CALN1: variants seen among roughly 807,000 people sequenced by gnomAD.
CALN1 encodes the protein calcium-binding protein 8.
A neutral mutation model predicts 30.6 loss-of-function variants in CALN1; 17 were observed. The ratio of observed to expected loss-of-function variants is 0.56; its 90% CI spans 0.38 to 0.83. The LOEUF is 0.83. Among genes scored for constraint, CALN1 ranks in the 40% least tolerant of loss-of-function variants. The probability of loss-of-function intolerance (pLI) is 0.00; values close to 1 mark genes in which losing one functional copy is unlikely to be tolerated. For synonymous variants in CALN1, 156 were observed against 131.4 expected, an observed-to-expected ratio of 1.19 and a Z score of -1.28; for missense variants, 291 against 354.9, an observed-to-expected ratio of 0.82 and a Z score of 1.45.
At position 72,212,273 on chromosome 7, in the gene CALN1, C is replaced by A. The variant is rs1011795721; in HGVS notation, c.244+66413G>T. 5.3e-5 allele frequency among the ~76,000 whole-genome samples: 8 copies of A among 150,270 alleles called. No individual in the cohort carries two copies. In the Admixed American group the frequency reaches 5.4e-4, roughly 10 times the overall value. Reference sequence around the variant, plus strand: ...CTGAGGCAGGGGAATTGCCTGAACCCACGAGGTGGAGGACTGCAGTGAGCG... The same window carrying A: ...CTGAGGCAGGGGAATTGCCTGAACCAACGAGGTGGAGGACTGCAGTGAGCG... On this transcript the variant is annotated intron_variant, in intron 3 of 6. Transcript: ENST00000395275.
At chr7:72,166,015 T>C (rs1563114132) in intron 3 of CALN1, among the ~76,000 whole-genome samples, 1 of 152,204 alleles carries the variant, frequency 6.6e-6, no homozygotes, top group East Asian at 1.9e-4. Flanking sequence ...CGAACCTCCT[T>C]CTCCTTTCTC....
intron 3 of CALN1, among the ~76,000 whole-genome samples, chr7:72,196,849 T>G (rs1791045869): frequency 6.6e-6 from 1 of 152,186 alleles, no homozygotes; most frequent in South Asian, 2.1e-4. Flanking sequence ...CAGCCCACAG[T>G]TAGTATCATG....
At chr7:72,271,575 A>ATATATATATATATATATATATATAT (rs1554345806) in intron 3 of CALN1, among the ~76,000 whole-genome samples, 3 of 52,126 alleles carry the variant, frequency 5.8e-5, no homozygotes, top group African/African-American at 2.7e-4. Context: ...AAAAAAAAAA[A>ATATATATATATATATATATATATAT]ATATATATAT....
At chr7:72,472,227 C>T in the CALN1 span, among the ~76,000 whole-genome samples, 1 of 152,172 alleles carries the variant, frequency 6.6e-6, no homozygotes, top group East Asian at 1.9e-4. Context: ...CAAAACCTTC[C>T]CACCCGCAGC....
At chr7:72,070,445 ACT>A (rs1804313756) in intron 4 of CALN1, among the ~76,000 whole-genome samples, 1 of 152,148 alleles carries the variant, frequency 6.6e-6, no homozygotes, top group Non-Finnish European at 1.5e-5. Context: ...AACCTCAGAG[ACT>A]CAGCTAGGTT....
chr7:72,490,267 T>A, the CALN1 span, among the ~76,000 whole-genome samples: 1 of 152,184 alleles, frequency 6.6e-6, no homozygotes, highest in Non-Finnish European at 1.5e-5. Flanking sequence ...TTATACAGTA[T>A]GATCTCAATT....
At chr7:71,879,173 A>G (rs539934556) in intron 5 of CALN1, among the ~76,000 whole-genome samples, 60 of 152,328 alleles carry the variant, frequency 3.9e-4, no homozygotes, top group African/African-American at 1.4e-3. Context: ...TATTTCTTCA[A>G]TTTAAGAGTT....
chr7:72,326,498 T>C (rs950845308), intron 2 of CALN1, among the ~76,000 whole-genome samples: 5 of 152,232 alleles, frequency 3.3e-5, no homozygotes, highest in African/African-American at 4.8e-5. Flanking sequence ...AAATGAATCA[T>C]CAGCCACAGA....
At chr7:72,070,891 T>C (rs78163704) in intron 4 of CALN1, among the ~76,000 whole-genome samples, 9,432 of 152,174 alleles carry the variant, frequency 0.062, 963 homozygotes, top group African/African-American at 0.21. Flanking sequence ...TGAAATAACA[T>C]AGAAGAGCTT....
the CALN1 span, among the ~76,000 whole-genome samples, chr7:72,458,187 ATATAT>A: frequency 1.0e-4 from 8 of 77,266 alleles, no homozygotes; most frequent in East Asian, 3.2e-4. Flanking sequence ...ATTATATTTA[ATATAT>A]TATAATATAT....
chr7:72,329,821 C>G (rs1375395021), intron 2 of CALN1, among the ~76,000 whole-genome samples: 1 of 151,058 alleles, frequency 6.6e-6, no homozygotes, highest in African/African-American at 2.4e-5. Context: ...GGGCGTGGTG[C>G]CACGCACCTG....
chr7:71,951,467 C>T (rs1247814645), intron 5 of CALN1, among the ~76,000 whole-genome samples: 2 of 151,912 alleles, frequency 1.3e-5, no homozygotes, highest in African/African-American at 2.4e-5. Flanking sequence ...GGTGCGTGCC[C>T]GTAATCCCAG....
At chr7:72,219,492 A>T (rs1048915585) in intron 3 of CALN1, among the ~76,000 whole-genome samples, 4 of 152,150 alleles carry the variant, frequency 2.6e-5, no homozygotes, top group African/African-American at 9.7e-5. Context: ...AGCCTCTCAA[A>T]GTGCTGGCAT....
At chr7:71,797,483 T>C (rs754971242) in intron 6 of CALN1, among the ~76,000 whole-genome samples, 1 of 152,164 alleles carries the variant, frequency 6.6e-6, no homozygotes, top group Admixed American at 6.5e-5. Context: ...AATGCCCAGG[T>C]ACCCAAAACT....
chr7:71,893,870 G>A (rs1332728721), intron 5 of CALN1, among the ~76,000 whole-genome samples: 1 of 151,998 alleles, frequency 6.6e-6, no homozygotes, highest in Admixed American at 6.6e-5. Flanking sequence ...GAAGGCTAAG[G>A]AAATAATATT....
chr7:71,894,122 C>A (rs547136098), intron 5 of CALN1, among the ~76,000 whole-genome samples: 1 of 152,328 alleles, frequency 6.6e-6, no homozygotes, highest in African/African-American at 2.4e-5. Context: ...CAGAGCCCTA[C>A]TTGTGGAGTA....
At position 72,070,309 on chromosome 7, in the gene CALN1, C is replaced by G. The variant is rs566406747; in HGVS notation, c.388+35842G>C. ...ACTAAAAGAAAAGTTGCACTAGGTC[C>G]TCGCTTTTACATTGCTTCCTCAGGA... is the stretch of plus-strand genomic sequence containing the variant. On this transcript the variant is annotated intron_variant, in intron 4 of 6. Transcript: ENST00000395275. Among the ~76,000 whole-genome samples, 10 of 152,238 alleles carry G rather than the reference C, an allele frequency of 6.6e-5. No homozygotes were observed. In the South Asian group the frequency reaches 2.1e-3, roughly 32 times the overall value.
At chr7:71,890,105 T>C (rs981617540) in intron 5 of CALN1, among the ~76,000 whole-genome samples, 2 of 152,182 alleles carry the variant, frequency 1.3e-5, no homozygotes, top group African/African-American at 4.8e-5. Flanking sequence ...ACAGAGCTTT[T>C]ATTTATTTAT....
chr7:71,983,954 CG>C (rs970309335), intron 5 of CALN1, among the ~76,000 whole-genome samples: 6 of 151,414 alleles, frequency 4.0e-5, no homozygotes, highest in African/African-American at 1.5e-4. Context: ...AAATTATGAT[CG>C]AAAAAAACAG....
Sources: gnomAD v4.1 joint callset for allele counts (sites outside exome capture counted in the v4.1 genomes callset) on GRCh38, gnomAD v4.1.1 for gene constraint, MANE v1.5 for transcripts, NCBI Gene and HGNC (gene_info 2026-07-23, HGNC 2026-07-21) for gene names.